Variants in PDPR observed in about 807,000 individuals in gnomAD.
PDPR encodes pyruvate dehydrogenase phosphatase regulatory subunit.
In PDPR, 50 loss-of-function variants were observed where a neutral mutation model predicts 102.2. The observed-to-expected ratio is 0.49, with a 90% CI of 0.39 to 0.62. The LOEUF is 0.62. PDPR is among the 20% of genes least tolerant of loss of function. PDPR has a pLI of 0.00. For synonymous variants in PDPR, 259 were observed against 406.0 expected (o/e 0.64, Z 4.35); for missense variants, 625 against 1,098.2 (o/e 0.57, Z 6.09).
At chr16:70,123,780 C>G (rs1202228775) in intron 3 of PDPR, among the ~76,000 whole-genome samples, 4 of 152,246 alleles carry the variant, frequency 2.6e-5, no homozygotes, top group Non-Finnish European at 5.9e-5. Flanking sequence ...CAGCCAGGCA[C>G]GATCGCTCAC....
intron 17 of PDPR, among the ~76,000 whole-genome samples, chr16:70,152,684 A>G (rs1435905655): frequency 1.3e-5 from 2 of 152,288 alleles, no homozygotes; most frequent in African/African-American, 4.8e-5. Flanking sequence ...TTCATTTTAC[A>G]GTTTTAAAAG....
rs746976546 is a variant in PDPR, at chr16:70,156,720, G to A, written c.2481G>A (p.Glu827=). ...VHNFSEDTGE[E]QVVTADFINR... ...ATTTTTCTGAGGACACGGGGGAAGA[G>A]CAAGTGGTGACAGCAGATTTCATCA... The change falls in exon 19 of 19, where the codon GAG becomes GAA. Residue 827 remains glutamate (E), a synonymous_variant. Transcript: ENST00000288050. The A allele has an allele frequency of 6.2e-7, 1 of 1,613,976 alleles. No homozygotes were observed. The highest frequency in any genetic ancestry group is 8.5e-7 in the Non-Finnish European group (1 of 1,179,914).
chr16:70,154,216 T>G (rs1966874737), intron 18 of PDPR, among the ~76,000 whole-genome samples: 1 of 151,858 alleles, frequency 6.6e-6, no homozygotes, highest in Non-Finnish European at 1.5e-5. Flanking sequence ...TAGTTCCAGC[T>G]ACTCGGGAGG....
In PDPR at chr16:70,156,898, A is replaced by AC; in HGVS notation, c.*21dup. The AC allele has an allele frequency of 6.2e-7, 1 of 1,609,188 alleles. No homozygotes were observed. Among genetic ancestry groups the AC allele is most frequent in the South Asian group, 1.1e-5 (1 of 90,312 alleles). On this transcript the variant is annotated 3_prime_UTR_variant, in exon 19 of 19. Coordinates refer to ENST00000288050, the MANE Select transcript of PDPR (RefSeq NM_017990.5). Reference sequence around the variant, plus strand: ...GAAGTGATGCCACCAGGGCAGCCTCACCTCCTCCCCATCATCTTGTCCTAG... The same window carrying AC: ...GAAGTGATGCCACCAGGGCAGCCTCACCCTCCTCCCCATCATCTTGTCCTAG...
chr16:70,113,936 G>C (rs1408765398), upstream of PDPR: 1 of 151,204 alleles, frequency 6.6e-6, no homozygotes. Context: ...TAGGACTGGG[G>C]ACCCACTGGC....
At chr16:70,154,923 G>C (rs1284132665) in intron 18 of PDPR, among the ~76,000 whole-genome samples, 3 of 152,248 alleles carry the variant, frequency 2.0e-5, no homozygotes, top group Non-Finnish European at 2.9e-5. Flanking sequence ...ACAGGCGTGA[G>C]ACAGCACACC....
chr16:70,122,856 C>A (rs1486614433), intron 3 of PDPR, among the ~76,000 whole-genome samples: 5 of 151,638 alleles, frequency 3.3e-5, no homozygotes, highest in Non-Finnish European at 7.4e-5. Flanking sequence ...TACACACATA[C>A]ACACACACAC....
intron 3 of PDPR, among the ~76,000 whole-genome samples, chr16:70,123,091 G>A (rs1424772823): frequency 1.3e-5 from 2 of 152,062 alleles, no homozygotes; most frequent in African/African-American, 2.4e-5. Context: ...TAGTATAGAT[G>A]GGGTTTCACC....
chr16:70,139,218 C>T (rs1369324669), intron 11 of PDPR, among the ~76,000 whole-genome samples, 195 bp downstream of exon 11: 1 of 152,360 alleles, frequency 6.6e-6, no homozygotes, highest in African/African-American at 2.4e-5. Context: ...TTCTTTAGTG[C>T]ATCGGACCTT....
chr16:70,155,158 C>T (rs1048069521), intron 18 of PDPR, among the ~76,000 whole-genome samples: 2 of 152,028 alleles, frequency 1.3e-5, no homozygotes, highest in African/African-American at 4.8e-5. Context: ...TACCATTGTA[C>T]TCCCACCTGG....
intron 6 of PDPR, 111 bp downstream of exon 6, chr16:70,129,233 T>C: frequency 6.2e-7 from 1 of 1,600,380 alleles, no homozygotes; most frequent in Non-Finnish European, 8.5e-7. Flanking sequence ...GATTATCCTC[T>C]TTGGGGTACT....
At position 70,159,268 on chromosome 16, in the gene PDPR, A is replaced by C. The variant is rs1384418805; in HGVS notation, c.*2389A>C. On this transcript the variant is annotated 3_prime_UTR_variant, in exon 19 of 19. Coordinates refer to ENST00000288050, the MANE Select transcript of PDPR (RefSeq NM_017990.5). ...TCCAAAATTATGCACTGTTTGTTGAAGTAGAACCAGAAATCCTGACCTCCT... is the reference window on the plus strand; with the variant it reads ...TCCAAAATTATGCACTGTTTGTTGACGTAGAACCAGAAATCCTGACCTCCT... 3 of 152,376 alleles carry C rather than the reference A, an allele frequency of 2.0e-5. No individual in the cohort carries two copies. Among genetic ancestry groups the C allele is most frequent in the Non-Finnish European group, 2.9e-5 (2 of 68,082 alleles). The allele number at this position is 152,376 out of a possible 1,614,324, so 9.4% of individuals were successfully genotyped here.
In PDPR at chr16:70,157,052, C is replaced by T. The variant is rs1386384231; in HGVS notation, c.*173C>T. 3.4e-6 allele frequency: 3 copies of T among 888,432 alleles called. No individual in the cohort carries two copies. In the African/African-American group the frequency reaches 5.0e-5, roughly 15 times the overall value. 55.0% of individuals were successfully genotyped at this position (888,432 alleles called of 1,614,324 possible). On this transcript the variant is annotated 3_prime_UTR_variant, in exon 19 of 19. Coordinates refer to ENST00000288050, the MANE Select transcript of PDPR (RefSeq NM_017990.5). ...ACTTTAAACTTTTTTGCTCTGCAGC[C>T]TTCCTTGCCCTTCCACCTCCTCCTC...
chr16:70,138,785 C>T (rs2095729037), intron 10 of PDPR, 114 bp from the exon 11 acceptor site: 2 of 1,572,068 alleles, frequency 1.3e-6, no homozygotes, highest in Admixed American at 3.6e-5. Flanking sequence ...CAAAACTATT[C>T]AGCTGGTCTA....
intron 6 of PDPR, among the ~76,000 whole-genome samples, 162 bp downstream of exon 6, chr16:70,129,284 A>G (rs1308524531): frequency 1.3e-5 from 2 of 152,284 alleles, no homozygotes; most frequent in Non-Finnish European, 2.9e-5. Flanking sequence ...TTTATCTGTT[A>G]ATGAGTGTTT....
At chr16:70,150,559 T>C (rs1283014340) in intron 17 of PDPR, among the ~76,000 whole-genome samples, 1 of 126,518 alleles carries the variant, frequency 7.9e-6, no homozygotes, top group African/African-American at 3.0e-5. Context: ...AGACAGGGCA[T>C]TGCTCTGTCA....
intron 17 of PDPR, among the ~76,000 whole-genome samples, chr16:70,151,784 T>C (rs1238996506): frequency 6.6e-6 from 1 of 152,194 alleles, no homozygotes. Flanking sequence ...CTGGCTTTTG[T>C]CCAGGAAGCT....
At chr16:70,134,301 C>T (rs1464011997) in intron 9 of PDPR, among the ~76,000 whole-genome samples, 1 of 152,072 alleles carries the variant, frequency 6.6e-6, no homozygotes, top group East Asian at 2.0e-4. Flanking sequence ...TCTTAGCTCA[C>T]TGCATCCTCC....
rs563086380 is a variant in PDPR, at chr16:70,157,200, G to C, written c.*321G>C. ...GTGGACATGAGTGATGGTGACAGCT[G>C]CTTTCAAATTCTGCATCTCAAGGCA... On this transcript the variant is annotated 3_prime_UTR_variant, in exon 19 of 19. Transcript: ENST00000288050. The C allele has an allele frequency of 1.7e-6, 1 of 585,786 alleles. No individual in the cohort carries two copies. The highest frequency in any genetic ancestry group is 1.5e-5 in the South Asian group (1 of 65,588). 36.3% of individuals were successfully genotyped at this position (585,786 alleles called of 1,614,324 possible).
Sources: allele counts gnomAD v4.1 joint callset (sites outside exome capture counted in the v4.1 genomes callset), GRCh38; gene constraint gnomAD v4.1.1; transcripts MANE v1.5; gene names NCBI Gene and HGNC (gene_info 2026-07-23, HGNC 2026-07-21).